Variants in ENAH observed in about 807,000 individuals in gnomAD.
The protein encoded by ENAH is ENAH actin regulator.
ENAH carries 23 observed loss-of-function variants against 78.7 expected under a neutral mutation model. The ratio of observed to expected loss-of-function variants is 0.29; its 90% confidence interval spans 0.21 to 0.41. The LOEUF is 0.41. Among genes scored for constraint, ENAH ranks in the 10% least tolerant of loss-of-function variants. The pLI is 1.00. For missense variants in ENAH, 544 were observed against 691.0 expected (o/e 0.79, Z 2.39); for synonymous variants, 226 against 241.0 (o/e 0.94, Z 0.58).
Position 225,564,611 on chromosome 1 carries a change from A to C in ENAH, c.171+2638T>G, listed in dbSNP as rs1051738986. On this transcript the variant is annotated intron_variant, in intron 2 of 13. Transcript: ENST00000366843. Reference sequence around the variant, plus strand: ...CGCCTGGCCTGTTTGGGTTTTAAAAAATAGTTTTGTAGAGACAGAGTCTCA... The same window carrying C: ...CGCCTGGCCTGTTTGGGTTTTAAAACATAGTTTTGTAGAGACAGAGTCTCA... Among the ~76,000 whole-genome samples the C allele has an allele frequency of 4.6e-5, 7 of 151,896 alleles. No homozygotes were observed. In the East Asian group the frequency reaches 9.7e-4, roughly 21 times the overall value.
chr1:225,606,255 A>G (rs1009027280), intron 1 of ENAH, among the ~76,000 whole-genome samples: 34 of 152,112 alleles, frequency 2.2e-4, no homozygotes, highest in Admixed American at 1.3e-4. Context: ...TGAGTTCAGG[A>G]GTTCGAGACC....
intron 4 of ENAH, among the ~76,000 whole-genome samples, chr1:225,529,002 T>C (rs1371599395): frequency 6.6e-6 from 1 of 151,944 alleles, no homozygotes; most frequent in Non-Finnish European, 1.5e-5. Flanking sequence ...AAGCCACCAT[T>C]ATCTCCTGCC....
intron 1 of ENAH, among the ~76,000 whole-genome samples, chr1:225,599,887 T>TA (rs905158997): frequency 5.3e-5 from 8 of 150,574 alleles, no homozygotes; most frequent in South Asian, 2.1e-4. Flanking sequence ...GGAGGATCCC[T>TA]AGGAATGGCT....
chr1:225,595,040 T>G (rs2096895572), intron 1 of ENAH, among the ~76,000 whole-genome samples: 1 of 152,112 alleles, frequency 6.6e-6, no homozygotes, highest in South Asian at 2.1e-4. Context: ...AGTATTTAGG[T>G]AAATTTTAAT....
At chr1:225,503,570 C>G (rs1021891707) in intron 11 of ENAH, among the ~76,000 whole-genome samples, 1 of 150,700 alleles carries the variant, frequency 6.6e-6, no homozygotes, top group African/African-American at 2.5e-5. Flanking sequence ...GCCATGGCAC[C>G]CAGCCTTAAA....
In ENAH at chr1:225,505,461, CCAAA is replaced by C. The variant is rs2096319404; in HGVS notation, c.1538+2486_1538+2489del. The stretch of plus-strand genomic sequence containing the variant: ...CAGTCATAGTTTAAAGCATTTTTAA[CCAAA>C]CAGTCTTGCTTTTACTCTGACATAT... On this transcript the variant is annotated intron_variant, in intron 11 of 13. Transcript: ENST00000366843. Among the ~76,000 whole-genome samples, 7 of 152,292 alleles carry C rather than the reference CCAAA, an allele frequency of 4.6e-5. 1 individual carries two copies. In the South Asian group the frequency reaches 1.2e-3, roughly 27 times the overall value.
At chr1:225,649,193 C>T (rs1407418254) in intron 1 of ENAH, among the ~76,000 whole-genome samples, 1 of 152,150 alleles carries the variant, frequency 6.6e-6, no homozygotes, top group Non-Finnish European at 1.5e-5. Context: ...AATGTGATTA[C>T]TTCAAGGTCA....
intron 1 of ENAH, among the ~76,000 whole-genome samples, chr1:225,584,496 G>C (rs1012138404): frequency 6.6e-6 from 1 of 151,934 alleles, no homozygotes; most frequent in African/African-American, 2.4e-5. Flanking sequence ...GAATAACAAA[G>C]GACTGAAAAC....
chr1:225,556,396 T>C (rs2096666895), intron 2 of ENAH, among the ~76,000 whole-genome samples: 1 of 152,224 alleles, frequency 6.6e-6, no homozygotes, highest in Non-Finnish European at 1.5e-5. Flanking sequence ...GTCTTTATTT[T>C]AGCAATTCTG....
intron 1 of ENAH, among the ~76,000 whole-genome samples, chr1:225,645,531 T>A (rs779899550): frequency 1.7e-4 from 26 of 152,226 alleles, no homozygotes; most frequent in Admixed American, 3.3e-4. Context: ...ACAAATGTTT[T>A]CATTTCTAGG....
At chr1:225,608,424 A>G (rs1030097605) in intron 1 of ENAH, among the ~76,000 whole-genome samples, 1 of 151,498 alleles carries the variant, frequency 6.6e-6, no homozygotes, top group Non-Finnish European at 1.5e-5. Context: ...TTTTTTAAAC[A>G]AAGACTCACA....
At chr1:225,626,124 T>C (rs1657909391) in intron 1 of ENAH, among the ~76,000 whole-genome samples, 2 of 152,022 alleles carry the variant, frequency 1.3e-5, no homozygotes, top group African/African-American at 2.4e-5. Flanking sequence ...GGAAAAAAAA[T>C]AAAGCTAAGC....
chr1:225,538,285 G>T (rs1330590466), intron 3 of ENAH, among the ~76,000 whole-genome samples: 1 of 151,718 alleles, frequency 6.6e-6, no homozygotes, highest in Non-Finnish European at 1.5e-5. Flanking sequence ...ATCTAGAATA[G>T]AAGGGAGGCA....
intron 4 of ENAH, among the ~76,000 whole-genome samples, chr1:225,521,056 G>A (rs184416730): frequency 7.9e-5 from 12 of 151,804 alleles, no homozygotes; most frequent in Admixed American, 2.0e-4. Flanking sequence ...ACGCACGCGC[G>A]CGCACACACA....
intron 1 of ENAH, chr1:225,581,161 A>G (rs1221880035): frequency 1.9e-6 from 1 of 527,464 alleles, no homozygotes; most frequent in African/African-American, 2.1e-5. Context: ...ATGTGGGAAA[A>G]CACTTCACTT....
In ENAH at chr1:225,649,485, G is replaced by A. The variant is rs143175846; in HGVS notation, c.5+3201C>T. Among the ~76,000 whole-genome samples the A allele has an allele frequency of 4.6e-5, 7 of 151,546 alleles. No individual in the cohort carries two copies. The East Asian group carries it at 1.4e-3, about 29-fold the overall frequency. ...ACACTGTATGTACATGCATACAAAC[G>A]CATTCACATACATACACGCACACTT... On this transcript the variant is annotated intron_variant, in intron 1 of 13. Transcript: ENST00000366843.
chr1:225,591,764 CAAAAAAAAAA>C (rs55680042), intron 1 of ENAH, among the ~76,000 whole-genome samples: 6 of 39,514 alleles, frequency 1.5e-4, no homozygotes, highest in South Asian at 1.2e-3. Context: ...GACTCCGTCT[CAAAAAAAAAA>C]AAAAAAAAAA....
In ENAH at chr1:225,604,666, G is replaced by A. The variant is rs572954058; in HGVS notation, c.6-37252C>T. Among the ~76,000 whole-genome samples the A allele has an allele frequency of 6.5e-4, 98 of 151,600 alleles. 2 individuals carry two copies. The South Asian group carries it at 0.02, about 31-fold the overall frequency. On this transcript the variant is annotated intron_variant, in intron 1 of 13. Coordinates refer to ENST00000366843, the MANE Select transcript of ENAH (RefSeq NM_018212.6). ...AAATTAGCCAGGCATGGTGGTGGGT[G>A]CCTGTAGTCCCAGCTACTTGGGAGG... is the stretch of plus-strand genomic sequence containing the variant.
intron 3 of ENAH, among the ~76,000 whole-genome samples, chr1:225,536,524 T>C (rs918887027): frequency 1.4e-4 from 21 of 151,998 alleles, no homozygotes; most frequent in Non-Finnish European, 7.4e-5. Flanking sequence ...AAACAATTAG[T>C]GGTTAAAATG....
Sources: allele counts gnomAD v4.1 joint callset (sites outside exome capture counted in the v4.1 genomes callset), GRCh38; gene constraint gnomAD v4.1.1; transcripts MANE v1.5; gene names NCBI Gene and HGNC (gene_info 2026-07-23, HGNC 2026-07-21).